ZNF354B: variants seen among roughly 807,000 people sequenced by gnomAD.
ZNF354B encodes zinc finger protein 354B.
ZNF354B carries 10 observed loss-of-function variants against 12.9 expected under a neutral mutation model. The ratio of observed to expected loss-of-function variants is 0.77; its 90% CI spans 0.48 to 1.31. ZNF354B has a LOEUF of 1.31. Among genes scored for constraint, ZNF354B ranks in the 40% most tolerant of loss-of-function variants. The probability of loss-of-function intolerance (pLI) is 0.00; values close to 1 mark genes in which losing one functional copy is unlikely to be tolerated. For missense variants in ZNF354B, 614 were observed against 711.7 expected (o/e 0.86, Z 1.56); for synonymous variants, 260 against 243.7 (o/e 1.07, Z -0.62).
intron 2 of ZNF354B, among the ~76,000 whole-genome samples, chr5:178,863,835 T>TAAAAAC (rs1445308558): frequency 7.9e-5 from 12 of 152,258 alleles, no homozygotes; most frequent in Non-Finnish European, 1.5e-4. Flanking sequence ...ATGTGCATAT[T>TAAAAAC]TATGTCCTAG....
intron 4 of ZNF354B, among the ~76,000 whole-genome samples, chr5:178,867,640 G>A (rs138490832): frequency 6.6e-6 from 1 of 152,208 alleles, no homozygotes; most frequent in African/African-American, 2.4e-5. Flanking sequence ...TCACCACCCT[G>A]AAAACAAGAG....
At chr5:178,874,132 T>C (rs192263152) in intron 4 of ZNF354B, among the ~76,000 whole-genome samples, 8 of 152,276 alleles carry the variant, frequency 5.3e-5, no homozygotes, top group Admixed American at 5.2e-4. Context: ...GATTTTTGTA[T>C]TTTTAGCAGA....
chr5:178,864,143 C>T (rs920476423), intron 2 of ZNF354B, among the ~76,000 whole-genome samples: 1 of 152,204 alleles, frequency 6.6e-6, no homozygotes, highest in Non-Finnish European at 1.5e-5. Flanking sequence ...TCCTAAGTTT[C>T]ACATTCACTC....
chr5:178,867,725 T>C (rs1757484803), intron 4 of ZNF354B, among the ~76,000 whole-genome samples: 1 of 152,024 alleles, frequency 6.6e-6, no homozygotes, highest in Non-Finnish European at 1.5e-5. Flanking sequence ...CTAATGAAAA[T>C]TACATGTATG....
At chr5:178,861,385 T>G (rs1464207703) in intron 2 of ZNF354B, among the ~76,000 whole-genome samples, 1 of 152,176 alleles carries the variant, frequency 6.6e-6, no homozygotes, top group Non-Finnish European at 1.5e-5. Context: ...AATCCCTGCC[T>G]CCTCCACTCA....
intron 4 of ZNF354B, among the ~76,000 whole-genome samples, chr5:178,874,394 G>C (rs988923022): frequency 4.6e-5 from 7 of 152,180 alleles, no homozygotes; most frequent in African/African-American, 1.7e-4. Context: ...CGTAGATTTT[G>C]TCTCTTTACA....
chr5:178,875,455 C>T (rs187017430), intron 4 of ZNF354B, among the ~76,000 whole-genome samples: 15 of 152,168 alleles, frequency 9.9e-5, no homozygotes, highest in East Asian at 9.7e-4. Flanking sequence ...AGGTCACCAG[C>T]GAGACAGACT....
At chr5:178,875,454 G>A (rs2114020636) in intron 4 of ZNF354B, among the ~76,000 whole-genome samples, 1 of 152,304 alleles carries the variant, frequency 6.6e-6, no homozygotes, top group Middle Eastern at 3.4e-3. Context: ...GAGGTCACCA[G>A]CGAGACAGAC....
intron 2 of ZNF354B, among the ~76,000 whole-genome samples, chr5:178,865,124 G>A (rs1757427250): frequency 6.6e-6 from 1 of 152,172 alleles, no homozygotes; most frequent in Admixed American, 6.5e-5. Context: ...GGTTTTAAGT[G>A]CATTGTGCAG....
chr5:178,879,853 C>T (rs776856465), intron 4 of ZNF354B, among the ~76,000 whole-genome samples: 38 of 152,282 alleles, frequency 2.5e-4, no homozygotes, highest in Non-Finnish European at 2.2e-4. Context: ...ATAGGCTGGG[C>T]GTGGTGGCTC....
chr5:178,866,432 C>T (rs1481425963), intron 3 of ZNF354B, 62 bp downstream of exon 3: 14 of 1,560,562 alleles, frequency 9.0e-6, no homozygotes, highest in Non-Finnish European at 1.1e-5. Context: ...CACCTCCTTC[C>T]CTGAATAAAA....
At chr5:178,862,950 A>T (rs1757384542) in intron 2 of ZNF354B, among the ~76,000 whole-genome samples, 1 of 152,180 alleles carries the variant, frequency 6.6e-6, no homozygotes, top group Non-Finnish European at 1.5e-5. Context: ...CAGAGTTCAC[A>T]ATTAGAAAAC....
Position 178,876,863 on chromosome 5 carries a change from T to C in ZNF354B, c.257-5846T>C, listed in dbSNP as rs912701875. On this transcript the variant is annotated intron_variant, in intron 4 of 4. Transcript: ENST00000322434. Reference sequence around the variant, plus strand: ...TGTAGCATGCCACCATCTGGTCTTCTCCATAGATGTTTTCTATTTATTTTT... The same window carrying C: ...TGTAGCATGCCACCATCTGGTCTTCCCCATAGATGTTTTCTATTTATTTTT... Among the ~76,000 whole-genome samples the C allele has an allele frequency of 2.0e-5, 3 of 152,036 alleles. No individual in the cohort carries two copies. In the East Asian group the frequency reaches 5.8e-4, roughly 29 times the overall value.
In ZNF354B at chr5:178,884,458, A is replaced by T. The variant is rs1473684688; in HGVS notation, c.*167A>T. On this transcript the variant is annotated 3_prime_UTR_variant, in exon 5 of 5. Transcript: ENST00000322434. Reference sequence around the variant, plus strand: ...CTTTTATACTTGTCACTCACTTTTTAAAATATCCCGAGACAGTTCACTGTT... The same window carrying T: ...CTTTTATACTTGTCACTCACTTTTTTAAATATCCCGAGACAGTTCACTGTT... The T allele has an allele frequency of 1.5e-6, 1 of 687,460 alleles. No homozygotes were observed. Among genetic ancestry groups the T allele is most frequent in the Non-Finnish European group, 2.3e-6 (1 of 439,594 alleles). The allele number at this position is 687,460 out of a possible 1,614,324, so 42.6% of individuals were successfully genotyped here.
intron 4 of ZNF354B, among the ~76,000 whole-genome samples, chr5:178,869,511 C>T (rs1040193127): frequency 4.0e-5 from 6 of 151,826 alleles, no homozygotes; most frequent in Non-Finnish European, 8.8e-5. Context: ...ATGTGTGGGC[C>T]GAATCTTGTG....
At chr5:178,864,795 T>C (rs977686900) in intron 2 of ZNF354B, among the ~76,000 whole-genome samples, 2 of 151,962 alleles carry the variant, frequency 1.3e-5, no homozygotes, top group Admixed American at 6.6e-5. Context: ...GCTAATTTTT[T>C]GTATTTTTGT....
intron 2 of ZNF354B, among the ~76,000 whole-genome samples, chr5:178,862,289 C>T (rs1025460741): frequency 2.0e-5 from 3 of 151,848 alleles, no homozygotes; most frequent in African/African-American, 7.3e-5. Context: ...CCAGTCGTCC[C>T]TGTGGTGCGT....
At chr5:178,876,933 T>TTC (rs1757646397) in intron 4 of ZNF354B, among the ~76,000 whole-genome samples, 1 of 151,952 alleles carries the variant, frequency 6.6e-6, no homozygotes, top group Admixed American at 6.6e-5. Flanking sequence ...ATGCCTTTTT[T>TTC]TTTTTTTGTC....
chr5:178,865,405 C>T lies in ZNF354B; in HGVS notation c.34-839C>T, dbSNP rs539391774. ...GCCTCAGCCTCCTGAGTAGCTGGGA[C>T]TACAGGTGCATACCACCATGCCTGG... On this transcript the variant is annotated intron_variant, in intron 2 of 4. Coordinates refer to ENST00000322434, the MANE Select transcript of ZNF354B (RefSeq NM_058230.3). Among the ~76,000 whole-genome samples, 12 of 152,190 alleles carry T rather than the reference C, an allele frequency of 7.9e-5. 1 individual carries two copies. The South Asian group carries it at 1.9e-3, about 24-fold the overall frequency.
Sources: allele counts gnomAD v4.1 joint callset (sites outside exome capture counted in the v4.1 genomes callset), GRCh38; gene constraint gnomAD v4.1.1; transcripts MANE v1.5; gene names NCBI Gene and HGNC (gene_info 2026-07-23, HGNC 2026-07-21).